CORO1C: variants seen among roughly 807,000 people sequenced by gnomAD.
CORO1C encodes coronin 1C, also known as coronin-1C.
A neutral mutation model predicts 51.2 loss-of-function variants in CORO1C; 14 were observed. The observed-to-expected ratio is 0.27, with a 90% CI of 0.18 to 0.43. The LOEUF (loss-of-function observed/expected upper bound fraction) is 0.43, where lower values mean the gene tolerates loss of function less well. Ranked by LOEUF, CORO1C falls within the 20% of genes least tolerant of loss-of-function variation. The probability of loss-of-function intolerance (pLI) is 1.00; values close to 1 mark genes in which losing one functional copy is unlikely to be tolerated. For missense variants in CORO1C, 417 were observed against 607.8 expected (o/e 0.69, Z 3.30); for synonymous variants, 181 against 210.5 (o/e 0.86, Z 1.21).
intron 1 of CORO1C, among the ~76,000 whole-genome samples, chr12:108,729,469 T>C (rs1436737598): frequency 6.6e-6 from 1 of 152,232 alleles, no homozygotes; most frequent in Non-Finnish European, 1.5e-5. Context: ...ATAGGTTCTA[T>C]ATTTGTCAAA....
intron 2 of CORO1C, among the ~76,000 whole-genome samples, chr12:108,697,136 G>T (rs533932048): frequency 6.6e-6 from 1 of 152,138 alleles, no homozygotes; most frequent in African/African-American, 2.4e-5. Context: ...GTTGCAATAA[G>T]AAGCCTTATT....
At chr12:108,704,188 G>C (rs1279278149) in intron 1 of CORO1C, among the ~76,000 whole-genome samples, 1 of 152,110 alleles carries the variant, frequency 6.6e-6, no homozygotes, top group Non-Finnish European at 1.5e-5. Flanking sequence ...ACCTTAAAAA[G>C]TGATTTCCAC....
Position 108,707,729 on chromosome 12 carries a change from T to G in CORO1C, c.-5-6406A>C, listed in dbSNP as rs117557461. ...GAATGGGAGAAAACTTTTGCAAACTTTATATCTGATAAGACACTTGTATCT... is the reference window on the plus strand; with the variant it reads ...GAATGGGAGAAAACTTTTGCAAACTGTATATCTGATAAGACACTTGTATCT... On this transcript the variant is annotated intron_variant, in intron 1 of 10. Transcript: ENST00000261401. 6.3e-3 allele frequency among the ~76,000 whole-genome samples: 966 copies of G among 152,256 alleles called. 6 individuals are homozygous for G. Among genetic ancestry groups the G allele is most frequent in the Non-Finnish European group, 1.0e-2 (678 of 68,002 alleles).
intron 1 of CORO1C, among the ~76,000 whole-genome samples, chr12:108,725,163 T>A (rs1217601981): frequency 6.6e-6 from 1 of 152,192 alleles, no homozygotes; most frequent in Non-Finnish European, 1.5e-5. Context: ...TGGAGGTGTT[T>A]TTAAGACCGC....
At chr12:108,694,093 C>A (rs1002576068) in intron 2 of CORO1C, among the ~76,000 whole-genome samples, 6 of 152,018 alleles carry the variant, frequency 3.9e-5, no homozygotes, top group African/African-American at 1.5e-4. Context: ...ACCAGCCTGG[C>A]CAACACAGTG....
chr12:108,716,824 G>A (rs1054785372), intron 1 of CORO1C, among the ~76,000 whole-genome samples: 1 of 152,290 alleles, frequency 6.6e-6, no homozygotes, highest in South Asian at 2.1e-4. Context: ...AGGGTTATAC[G>A]TATTACATAT....
At chr12:108,694,369 T>A (rs776176931) in intron 2 of CORO1C, among the ~76,000 whole-genome samples, 1 of 151,584 alleles carries the variant, frequency 6.6e-6, no homozygotes, top group African/African-American at 2.4e-5. Context: ...AATGAATGAA[T>A]GTGATTTTTC....
intron 1 of CORO1C, among the ~76,000 whole-genome samples, chr12:108,711,583 G>A (rs2035181337): frequency 6.6e-6 from 1 of 151,832 alleles, no homozygotes; most frequent in African/African-American, 2.4e-5. Flanking sequence ...GGGAGGCTAA[G>A]GTAGGAGAAT....
chr12:108,671,863 A>G (rs951835683), intron 3 of CORO1C, among the ~76,000 whole-genome samples: 4 of 152,120 alleles, frequency 2.6e-5, no homozygotes, highest in African/African-American at 9.7e-5. Flanking sequence ...TCCAGGTCCA[A>G]GAGGTCCTCC....
chr12:108,697,140 C>G (rs976194687), intron 2 of CORO1C, among the ~76,000 whole-genome samples: 1 of 152,162 alleles, frequency 6.6e-6, no homozygotes, highest in African/African-American at 2.4e-5. Flanking sequence ...CAATAAGAAG[C>G]CTTATTTACT....
chr12:108,663,678 A>C (rs887293192), intron 3 of CORO1C, among the ~76,000 whole-genome samples: 7 of 152,138 alleles, frequency 4.6e-5, no homozygotes, highest in Admixed American at 1.3e-4. Flanking sequence ...AGTGTTGGGG[A>C]GAGTGGAGGG....
intron 1 of CORO1C, among the ~76,000 whole-genome samples, chr12:108,702,581 A>G (rs1376739238): frequency 1.3e-5 from 2 of 152,208 alleles, no homozygotes; most frequent in African/African-American, 4.8e-5. Flanking sequence ...GAGCCTGGAT[A>G]AAAATCTAAG....
At chr12:108,652,896 T>G (rs1307863409) in intron 7 of CORO1C, 2 of 74,272 alleles carry the variant, frequency 2.7e-5, no homozygotes, top group South Asian at 5.4e-4. Context: ...GAAACTCAGT[T>G]TTAGTGAGTA....
chr12:108,697,986 T>C (rs926295246), intron 2 of CORO1C, among the ~76,000 whole-genome samples: 1 of 152,128 alleles, frequency 6.6e-6, no homozygotes, highest in African/African-American at 2.4e-5. Flanking sequence ...TCTGATAACA[T>C]GGAAGATCAT....
intron 3 of CORO1C, among the ~76,000 whole-genome samples, chr12:108,669,307 T>C (rs1592873446): frequency 6.6e-6 from 1 of 152,248 alleles, no homozygotes; most frequent in South Asian, 2.1e-4. Context: ...TTACAGTTCA[T>C]TTGATAAACT....
At chr12:108,684,995 T>C (rs1420252816) in intron 2 of CORO1C, among the ~76,000 whole-genome samples, 1 of 152,192 alleles carries the variant, frequency 6.6e-6, no homozygotes, top group Non-Finnish European at 1.5e-5. Context: ...TGGCCAACTA[T>C]AGTACTGAGC....
chr12:108,665,070 C>T lies in CORO1C; in HGVS notation c.319-2912G>A, dbSNP rs189657386. On this transcript the variant is annotated intron_variant, in intron 3 of 10. Coordinates refer to ENST00000261401, the MANE Select transcript of CORO1C (RefSeq NM_014325.4). ...ACGCCTCTGTGTCTCACTCTGAGCA[C>T]AGCTAGTGCATTTTCCAAATCACTA... Among the ~76,000 whole-genome samples the T allele has an allele frequency of 3.3e-5, 5 of 152,304 alleles. No individual in the cohort carries two copies. The East Asian group carries it at 9.6e-4, about 29-fold the overall frequency.
chr12:108,659,036 A>AAG (rs984934660), intron 4 of CORO1C, 117 bp from the exon 5 acceptor site: 21 of 940,692 alleles, frequency 2.2e-5, no homozygotes, highest in Admixed American at 6.2e-5. Flanking sequence ...GAGAGAGAGA[A>AAG]AGAGAGAGAG....
intron 2 of CORO1C, among the ~76,000 whole-genome samples, chr12:108,679,134 C>CAAAA (rs2034027740): frequency 1.4e-4 from 7 of 49,682 alleles, no homozygotes; most frequent in Admixed American, 2.4e-4. Flanking sequence ...AAAAAAGAAA[C>CAAAA]AAGAAAAAAG....
Sources: allele counts gnomAD v4.1 joint callset (sites outside exome capture counted in the v4.1 genomes callset), GRCh38; gene constraint gnomAD v4.1.1; transcripts MANE v1.5; gene names NCBI Gene and HGNC (gene_info 2026-07-23, HGNC 2026-07-21).